Variants in GRB10 observed in about 807,000 individuals in gnomAD.
GRB10 encodes the protein growth factor receptor-bound protein 10.
In GRB10, 20 loss-of-function variants were observed where a neutral mutation model predicts 80.9. That is an observed-to-expected ratio of 0.25 (90% confidence interval 0.17 to 0.36). The LOEUF (loss-of-function observed/expected upper bound fraction) is 0.36. Among genes scored for constraint, GRB10 ranks in the 10% least tolerant of loss-of-function variants. GRB10 has a pLI of 1.00. For synonymous variants in GRB10, 291 were observed against 291.5 expected (o/e 1.00, Z 0.02); for missense variants, 548 against 747.7 (o/e 0.73, Z 3.12).
chr7:50,783,532 C>T (rs1205807995), upstream of GRB10, among the ~76,000 whole-genome samples: 6 of 151,082 alleles, frequency 4.0e-5, no homozygotes, highest in African/African-American at 1.5e-4. Flanking sequence ...CACACACACA[C>T]ATCACACATA....
chr7:50,791,185 A>T (rs2078899245), intron 1 of GRB10, among the ~76,000 whole-genome samples: 1 of 152,244 alleles, frequency 6.6e-6, no homozygotes, highest in Non-Finnish European at 1.5e-5. Flanking sequence ...TAATTACAGT[A>T]AACATAACTA....
intron 13 of GRB10, among the ~76,000 whole-genome samples, chr7:50,610,121 T>G (rs975333941): frequency 6.6e-6 from 1 of 152,182 alleles, no homozygotes; most frequent in Non-Finnish European, 1.5e-5. Context: ...CGGTGTCCTG[T>G]GTCCTCCTCT....
intron 5 of GRB10, among the ~76,000 whole-genome samples, chr7:50,687,576 G>C (rs1004401): frequency 0.022 from 3,342 of 152,228 alleles, 119 homozygotes; most frequent in African/African-American, 0.074. Context: ...TCAACCCTGG[G>C]TGCAGCTCCA....
chr7:50,760,780 T>C, intron 2 of GRB10, among the ~76,000 whole-genome samples: 1 of 152,196 alleles, frequency 6.6e-6, no homozygotes, highest in Non-Finnish European at 1.5e-5. Context: ...GCACGTGTCT[T>C]CACTCCACAA....
intron 3 of GRB10, among the ~76,000 whole-genome samples, chr7:50,751,091 G>A (rs2074036198): frequency 6.6e-6 from 1 of 152,146 alleles, no homozygotes; most frequent in Non-Finnish European, 1.5e-5. Context: ...CAACAAGAGA[G>A]ACGCCATGTC....
intron 2 of GRB10, among the ~76,000 whole-genome samples, chr7:50,759,087 G>A (rs2075433559): frequency 2.0e-5 from 3 of 151,890 alleles, no homozygotes; most frequent in South Asian, 2.1e-4. Flanking sequence ...CAGCTACTTA[G>A]GAGGCTTAGG....
At chr7:50,669,935 T>C in intron 6 of GRB10, 72 bp from the exon 7 acceptor site, 1 of 1,523,390 alleles carries the variant, frequency 6.6e-7, no homozygotes. Context: ...ACTGTGGTGA[T>C]ACACCCAGAA....
chr7:50,605,205 A>C, intron 15 of GRB10, 85 bp downstream of exon 15: 12 of 1,025,382 alleles, frequency 1.2e-5, no homozygotes, highest in Non-Finnish European at 1.7e-5. Context: ...CAACCCGCAT[A>C]GAGCTGTTCC....
intron 7 of GRB10, among the ~76,000 whole-genome samples, chr7:50,640,939 G>A (rs1388630994): frequency 6.6e-6 from 1 of 152,188 alleles, no homozygotes; most frequent in Non-Finnish European, 1.5e-5. Flanking sequence ...ATGGAGCTGA[G>A]CACAGAAAGG....
At chr7:50,734,459 A>G (rs894841084) in intron 3 of GRB10, among the ~76,000 whole-genome samples, 64 of 96,656 alleles carry the variant, frequency 6.6e-4, no homozygotes, top group African/African-American at 1.8e-3. Context: ...GGCTGCCCAC[A>G]CCCCCCACGC....
chr7:50,667,251 A>C (rs558409048), intron 7 of GRB10, among the ~76,000 whole-genome samples: 5 of 152,228 alleles, frequency 3.3e-5, no homozygotes, highest in African/African-American at 1.2e-4. Context: ...GAAGTTTCCA[A>C]TCACCTCACT....
chr7:50,669,392 G>A (rs1400206468), intron 7 of GRB10, among the ~76,000 whole-genome samples: 5 of 152,068 alleles, frequency 3.3e-5, no homozygotes, highest in African/African-American at 7.2e-5. Context: ...GAGATGACAC[G>A]CACTTTTAAA....
chr7:50,600,183 G>GTA (rs2047359841), intron 17 of GRB10, among the ~76,000 whole-genome samples: 1 of 152,146 alleles, frequency 6.6e-6, no homozygotes, highest in African/African-American at 2.4e-5. Flanking sequence ...GTATAAGCAG[G>GTA]TATACACTGT....
intron 6 of GRB10, among the ~76,000 whole-genome samples, chr7:50,671,631 C>T (rs1262125884): frequency 2.6e-5 from 4 of 152,224 alleles, no homozygotes; most frequent in African/African-American, 4.8e-5. Flanking sequence ...CTTGGCAAGG[C>T]GTCCAACTGA....
intron 3 of GRB10, among the ~76,000 whole-genome samples, chr7:50,748,721 T>C (rs2073487382): frequency 6.6e-6 from 1 of 152,140 alleles, no homozygotes; most frequent in Non-Finnish European, 1.5e-5. Flanking sequence ...ACCGAGGCCT[T>C]TGGACCCCAT....
chr7:50,763,452 G>A (rs2075994649), intron 2 of GRB10, among the ~76,000 whole-genome samples: 1 of 152,204 alleles, frequency 6.6e-6, no homozygotes, highest in South Asian at 2.1e-4. Flanking sequence ...GAGGCCCGCT[G>A]GAGTGGGGGC....
At chr7:50,623,886 A>C (rs762761365) in intron 8 of GRB10, among the ~76,000 whole-genome samples, 7 of 152,206 alleles carry the variant, frequency 4.6e-5, no homozygotes, top group Non-Finnish European at 1.0e-4. Flanking sequence ...CCAAAATCCC[A>C]AAATCAGAAA....
Position 50,780,654 on chromosome 7 carries a change from G to A in GRB10, c.-244C>T, listed in dbSNP as rs1262909174. On this transcript the variant is annotated 5_prime_UTR_variant, in exon 2 of 19. Transcript: ENST00000401949. Reference sequence around the variant, plus strand: ...AGAGGCAGTCAGCTCTGATGTAGGTGGTTCAGAGGTCACACCTTAAAAACC... The same window carrying A: ...AGAGGCAGTCAGCTCTGATGTAGGTAGTTCAGAGGTCACACCTTAAAAACC... 1 of 152,150 alleles carries A rather than the reference G, an allele frequency of 6.6e-6. No individual in the cohort carries two copies. The highest frequency in any genetic ancestry group is 2.4e-5 in the African/African-American group (1 of 41,442). 9.4% of individuals were successfully genotyped at this position (152,150 alleles called of 1,614,324 possible).
intron 7 of GRB10, among the ~76,000 whole-genome samples, chr7:50,644,051 T>C (rs557548176): frequency 3.9e-5 from 6 of 152,308 alleles, no homozygotes; most frequent in South Asian, 2.1e-4. Flanking sequence ...TGAGGTTACA[T>C]AGTGGAAAGC....
Sources: allele counts gnomAD v4.1 joint callset (sites outside exome capture counted in the v4.1 genomes callset), GRCh38; gene constraint gnomAD v4.1.1; transcripts MANE v1.5; gene names NCBI Gene and HGNC (gene_info 2026-07-23, HGNC 2026-07-21).